CTIF: variants seen among roughly 807,000 people sequenced by gnomAD.
The protein encoded by CTIF is CBP80/20-dependent translation initiation factor.
Under a neutral mutation model 66.0 loss-of-function variants are expected in CTIF, and 21 were observed. The ratio of observed to expected loss-of-function variants is 0.32; its 90% CI spans 0.23 to 0.46. The LOEUF is 0.46. Ranked by LOEUF, CTIF falls within the 20% of genes least tolerant of loss-of-function variation. The pLI, the probability that CTIF is intolerant of heterozygous loss-of-function variation, is 1.00. For missense variants in CTIF, 739 were observed against 812.7 expected (o/e 0.91, Z 1.10); for synonymous variants, 345 against 326.4 (o/e 1.06, Z -0.62).
rs932133721 is a variant in CTIF, at chr18:48,666,960, T to C, written c.431+2409T>C. Among the ~76,000 whole-genome samples, 4 of 152,256 alleles carry C rather than the reference T, an allele frequency of 2.6e-5. No homozygotes were observed. The South Asian group carries it at 8.3e-4, about 32-fold the overall frequency. ...CTTGCCCAGTGTCCTGTTGCAACAG[T>C]GTAGCGGAGCTTGGGTATGCCACAG... On this transcript the variant is annotated intron_variant, in intron 5 of 11. Coordinates refer to ENST00000256413, the MANE Select transcript of CTIF (RefSeq NM_014772.3).
At chr18:48,730,905 C>G (rs867256081) in intron 7 of CTIF, among the ~76,000 whole-genome samples, 1 of 152,058 alleles carries the variant, frequency 6.6e-6, no homozygotes, top group Middle Eastern at 3.2e-3. Context: ...CCATGCTGCT[C>G]TAGGACGTTT....
chr18:48,672,193 G>A (rs900167220), intron 6 of CTIF, among the ~76,000 whole-genome samples: 4 of 151,060 alleles, frequency 2.6e-5, no homozygotes, highest in African/African-American at 9.7e-5. Flanking sequence ...AGGAATTTGC[G>A]GTCCTGTGAG....
In CTIF at chr18:48,794,574, G is replaced by A. The variant is rs74436819; in HGVS notation, c.1372-22647G>A. The stretch of plus-strand genomic sequence containing the variant: ...ATTTCAGTAGCCAACTGCCTGAGGT[G>A]GGGGGTTGAAGGGAAACTTGGAATC... On this transcript the variant is annotated intron_variant, in intron 9 of 11. Coordinates refer to ENST00000256413, the MANE Select transcript of CTIF (RefSeq NM_014772.3). Among the ~76,000 whole-genome samples, 1,411 of 152,282 alleles carry A rather than the reference G, an allele frequency of 9.3e-3. 72 individuals carry two copies. The highest frequency in any genetic ancestry group is 0.069 in the Admixed American group (1,060 of 15,296).
intron 10 of CTIF, among the ~76,000 whole-genome samples, chr18:48,833,073 G>C (rs988099936): frequency 6.6e-6 from 1 of 152,218 alleles, no homozygotes; most frequent in African/African-American, 2.4e-5. Context: ...TTTGGGCAAG[G>C]GGAGGCGAGA....
chr18:48,696,873 G>A (rs906300185), intron 6 of CTIF, among the ~76,000 whole-genome samples: 2 of 152,198 alleles, frequency 1.3e-5, no homozygotes, highest in Non-Finnish European at 2.9e-5. Context: ...AGCATCTGTG[G>A]TGTGTTGTCA....
intron 1 of CTIF, chr18:48,566,883 A>G (rs1242473212): frequency 1.3e-5 from 2 of 152,188 alleles, no homozygotes; most frequent in East Asian, 1.9e-4. Context: ...GCACTCCTAC[A>G]TGACTTGCAA....
At chr18:48,656,263 T>G (rs1326224205) in intron 3 of CTIF, among the ~76,000 whole-genome samples, 1 of 152,240 alleles carries the variant, frequency 6.6e-6, no homozygotes, top group African/African-American at 2.4e-5. Flanking sequence ...ACTGCATGCA[T>G]AGTGTACAGT....
At chr18:48,735,778 G>A (rs776728068) in intron 7 of CTIF, among the ~76,000 whole-genome samples, 2 of 152,168 alleles carry the variant, frequency 1.3e-5, no homozygotes, top group Non-Finnish European at 2.9e-5. Context: ...CTTACCCAAA[G>A]GTGCCTGGGT....
intron 10 of CTIF, among the ~76,000 whole-genome samples, chr18:48,857,028 T>G (rs1361797012): frequency 1.3e-5 from 2 of 152,152 alleles, no homozygotes; most frequent in Non-Finnish European, 2.9e-5. Flanking sequence ...TGGCCCTAGT[T>G]AGGAAACAGT....
At chr18:48,823,749 C>T (rs2146381010) in intron 10 of CTIF, among the ~76,000 whole-genome samples, 1 of 152,224 alleles carries the variant, frequency 6.6e-6, no homozygotes, top group South Asian at 2.1e-4. Context: ...CTGCAGATTG[C>T]TTTGAATAGT....
intron 1 of CTIF, among the ~76,000 whole-genome samples, chr18:48,573,991 A>G (rs112953824): frequency 0.073 from 11,145 of 152,262 alleles, 483 homozygotes; most frequent in South Asian, 0.1. Flanking sequence ...CATACAGGTC[A>G]CCTTCCACGG....
intron 7 of CTIF, among the ~76,000 whole-genome samples, chr18:48,714,030 C>T (rs1290611361): frequency 1.3e-5 from 2 of 152,084 alleles, no homozygotes; most frequent in Non-Finnish European, 2.9e-5. Flanking sequence ...AAGCAGGCAG[C>T]CATATAGTTT....
intron 10 of CTIF, among the ~76,000 whole-genome samples, chr18:48,820,680 C>T (rs574731838): frequency 5.3e-5 from 8 of 152,304 alleles, no homozygotes; most frequent in East Asian, 3.9e-4. Flanking sequence ...CCAGAACCCA[C>T]GCCACGGCCT....
chr18:48,749,962 C>T (rs906111170), intron 7 of CTIF, among the ~76,000 whole-genome samples: 5 of 152,206 alleles, frequency 3.3e-5, no homozygotes, highest in Non-Finnish European at 5.9e-5. Context: ...CAGGTTCACG[C>T]GGAGCCTGGC....
At chr18:48,551,907 C>T (rs932980330) in intron 1 of CTIF, among the ~76,000 whole-genome samples, 7 of 152,082 alleles carry the variant, frequency 4.6e-5, no homozygotes, top group Non-Finnish European at 1.0e-4. Context: ...ACGCCATTCT[C>T]CTGCCTCAGC....
At chr18:48,553,717 GT>G (rs1568028238) in intron 1 of CTIF, among the ~76,000 whole-genome samples, 2 of 150,644 alleles carry the variant, frequency 1.3e-5, no homozygotes, top group East Asian at 3.9e-4. Context: ...GTGCAGTGGC[GT>G]GATCTCAGCT....
intron 2 of CTIF, among the ~76,000 whole-genome samples, chr18:48,631,560 G>A (rs930371669): frequency 6.6e-6 from 1 of 152,146 alleles, no homozygotes; most frequent in East Asian, 1.9e-4. Flanking sequence ...TACTTAAGAT[G>A]GACTGATAAC....
intron 7 of CTIF, among the ~76,000 whole-genome samples, chr18:48,712,037 G>GA (rs2092230295): frequency 6.6e-6 from 1 of 151,960 alleles, no homozygotes; most frequent in Admixed American, 6.6e-5. Flanking sequence ...GTGGTCCTCA[G>GA]AAAATAGGAC....
At chr18:48,545,429 G>A (rs1216623246) in intron 1 of CTIF, among the ~76,000 whole-genome samples, 1 of 152,106 alleles carries the variant, frequency 6.6e-6, no homozygotes, top group Non-Finnish European at 1.5e-5. Context: ...GTGAGACCTG[G>A]AACAAGGGCC....
Sources: allele counts gnomAD v4.1 joint callset (sites outside exome capture counted in the v4.1 genomes callset), GRCh38; gene constraint gnomAD v4.1.1; transcripts MANE v1.5; gene names NCBI Gene and HGNC (gene_info 2026-07-23, HGNC 2026-07-21).